Variants in ABCA4 observed in about 807,000 individuals in gnomAD.
ABCA4 encodes ATP binding cassette subfamily A member 4.
ABCA4 carries 196 observed loss-of-function variants against 263.7 expected under a neutral mutation model. That is an observed-to-expected ratio of 0.74 (90% CI 0.66 to 0.84). ABCA4 has a LOEUF of 0.84. Among genes scored for constraint, ABCA4 ranks in the 40% least tolerant of loss-of-function variants. The probability of loss-of-function intolerance (pLI) is 0.00; values close to 1 mark genes in which losing one functional copy is unlikely to be tolerated. For missense variants in ABCA4, 2,792 were observed against 2,855.1 expected, an observed-to-expected ratio of 0.98 and a Z score of 0.50; for synonymous variants, 1,133 against 1,094.2, an observed-to-expected ratio of 1.04 and a Z score of -0.70.
Position 94,041,322 on chromosome 1 carries a change from T to C in ABCA4, c.3409A>G (p.Arg1137Gly), listed in dbSNP as rs765328414. 18 of 1,614,022 alleles carry C rather than the reference T, an allele frequency of 1.1e-5. No homozygotes were observed. The highest frequency in any genetic ancestry group is 1.6e-4 in the Middle Eastern group (1 of 6,082). ...GDRIAIIAQG[R>G]LYCSGTPLFL... ...AGTGGGGTGCCTGAGCAGTAGAGCCTTCCCTGGGCAATGATGGCAATGCGG... is the reference window on the plus strand; with the variant it reads ...AGTGGGGTGCCTGAGCAGTAGAGCCCTCCCTGGGCAATGATGGCAATGCGG... The change falls in exon 23 of 50, where the codon AGG (arginine) becomes GGG (glycine). Residue 1137 changes from arginine (R) to glycine (G), a missense_variant. Transcript: ENST00000370225.
intron 11 of ABCA4, among the ~76,000 whole-genome samples, chr1:94,068,237 T>C (rs1367622301): frequency 6.6e-6 from 1 of 152,166 alleles, no homozygotes; most frequent in Non-Finnish European, 1.5e-5. Flanking sequence ...TGTTGATCAC[T>C]AGGTGAAAGT....
chr1:94,030,566 C>CGG (rs1480538784), intron 28 of ABCA4, 40 bp from the exon 29 acceptor site: 41 of 1,579,204 alleles, frequency 2.6e-5, no homozygotes, highest in Non-Finnish European at 3.5e-5. Flanking sequence ...AGAGCAGGCG[C>CGG]GTGCCAACAT....
chr1:94,119,728 T>A (rs1414959770), intron 1 of ABCA4, among the ~76,000 whole-genome samples: 2 of 152,184 alleles, frequency 1.3e-5, no homozygotes, highest in African/African-American at 4.8e-5. Flanking sequence ...AGTTTCCTTT[T>A]ACTCTCTCAG....
chr1:94,045,112 G>A (rs1352580178), intron 19 of ABCA4, among the ~76,000 whole-genome samples: 3 of 152,244 alleles, frequency 2.0e-5, no homozygotes, highest in African/African-American at 7.2e-5. Flanking sequence ...TGCATGACTC[G>A]AGGCGTTGCC....
In ABCA4 at chr1:94,014,594, G is replaced by A. The variant is rs569608594; in HGVS notation, c.5409C>T (p.Gly1803=). The A allele has an allele frequency of 3.7e-6, 6 of 1,614,190 alleles. No individual in the cohort carries two copies. The highest frequency in any genetic ancestry group is 1.6e-4 in the Middle Eastern group (1 of 6,062). ...VALSCANLFI[G]INSSAITFIL... ...TGAAGGTAATAGCACTGCTGTTGAT[G>A]CCGATGAACAGATTAGCACAAGATA... The change falls in exon 38 of 50, where the codon GGC becomes GGT. Residue 1803 remains glycine (G), a synonymous_variant. Transcript: ENST00000370225.
At chr1:94,091,152 T>C (rs913421805) in intron 6 of ABCA4, among the ~76,000 whole-genome samples, 1 of 152,138 alleles carries the variant, frequency 6.6e-6, no homozygotes. Flanking sequence ...TGAGATGTAT[T>C]TTTGTGTGGT....
At chr1:94,079,800 C>A (rs1371361293) in intron 8 of ABCA4, among the ~76,000 whole-genome samples, 1 of 152,136 alleles carries the variant, frequency 6.6e-6, no homozygotes, top group Non-Finnish European at 1.5e-5. Flanking sequence ...CCAAACAAGG[C>A]CCCCGCTTGG....
In ABCA4 at chr1:94,098,993, T is replaced by A. The variant is rs61748534; in HGVS notation, c.571-2A>T. On this transcript the variant is annotated splice_acceptor_variant, in intron 5 of 49. Transcript: ENST00000370225. LOFTEE classifies it high-confidence loss of function. ...CAGGTCCGGGACTCCATGAGCGAAC[T>A]GCAGGGAGAAGAGGCAACACTAGAA... 6.2e-7 allele frequency: 1 copy of A among 1,604,840 alleles called. No individual in the cohort carries two copies. The highest frequency in any genetic ancestry group is 8.5e-7 in the Non-Finnish European group (1 of 1,179,500).
chr1:94,058,631 G>GGGTT (rs1390050616), intron 14 of ABCA4, among the ~76,000 whole-genome samples: 1 of 152,198 alleles, frequency 6.6e-6, no homozygotes, highest in African/African-American at 2.4e-5. Context: ...CAAAGTATTA[G>GGGTT]GGTTACAGGC....
intron 1 of ABCA4, among the ~76,000 whole-genome samples, chr1:94,117,060 C>G (rs1484095996): frequency 7.4e-6 from 1 of 134,792 alleles, no homozygotes; most frequent in East Asian, 2.2e-4. Flanking sequence ...CCTTTCTTTC[C>G]TTTCTCTCTC....
rs758707705 is a variant in ABCA4, at chr1:94,010,790, A to G, written c.5714+10T>C. 33 of 1,614,032 alleles carry G rather than the reference A, an allele frequency of 2.0e-5. No individual in the cohort carries two copies. The highest frequency in any genetic ancestry group is 2.7e-5 in the African/African-American group (2 of 74,920). ...GCTGCCCACTGGCCCAGGGTGTGGC[A>G]TGGACGTACCATTGGGAGAGGAAGA... is the stretch of plus-strand genomic sequence containing the variant. On this transcript the variant is annotated intron_variant, in intron 40 of 49. Transcript: ENST00000370225.
chr1:94,042,997 A>G, intron 21 of ABCA4, 99 bp from the exon 22 acceptor site: 1 of 1,528,480 alleles, frequency 6.5e-7, no homozygotes, highest in Non-Finnish European at 9.0e-7. Context: ...TTAACCCAGC[A>G]GTGGTTTGGT....
intron 11 of ABCA4, among the ~76,000 whole-genome samples, chr1:94,075,131 G>A (rs1313696836): frequency 6.6e-6 from 1 of 152,108 alleles, no homozygotes; most frequent in Non-Finnish European, 1.5e-5. Context: ...TGGACACAGG[G>A]AGGGGAACAT....
chr1:94,051,624 A>G lies in ABCA4; in HGVS notation c.2653+9T>C. The G allele has an allele frequency of 1.2e-6, 2 of 1,611,216 alleles. No homozygotes were observed. Among genetic ancestry groups the G allele is most frequent in the Non-Finnish European group, 1.7e-6 (2 of 1,177,304 alleles). ...TCAAACATTAAGATTTGTGTTTTAA[A>G]GGACTCACCTTCACCGCCAAGCCAA... On this transcript the variant is annotated intron_variant, in intron 17 of 49. Transcript: ENST00000370225.
chr1:94,079,442 CA>C lies in ABCA4; in HGVS notation c.1118del (p.Leu373Ter), dbSNP rs2101104619. 6.2e-7 allele frequency: 1 copy of C among 1,614,154 alleles called. No individual in the cohort carries two copies. Among genetic ancestry groups the C allele is most frequent in the African/African-American group, 1.3e-5 (1 of 75,018 alleles). On this transcript the variant is annotated frameshift_variant, in exon 9 of 50. Coordinates refer to ENST00000370225, the MANE Select transcript of ABCA4 (RefSeq NM_000350.3). LOFTEE classifies it high-confidence loss of function. Reference sequence around the variant, plus strand: ...AAGGATTTGACTCCAGGCTCTGGATCAATGCATTACAAAAGGATGCTGCCAG... The same window carrying C: ...AAGGATTTGACTCCAGGCTCTGGATCATGCATTACAAAAGGATGCTGCCAG... ...DRRTTSFCNALIQSLESNPLT... is the reference protein window; with the variant it reads ...DRRTTSFCNAXIQSLESNPLT...
chr1:94,000,897 G>A lies in ABCA4; in HGVS notation c.6418C>T (p.Leu2140=). The part of the protein sequence containing the change: ...MEECEALCTR[L]AIMVKGAFRC... ...AAGGCGCCCTTTACCATGATGGCCA[G>A]CCGGGTACACAGTGCCTCACATTCT... The change falls in exon 47 of 50, where the codon CTG becomes TTG. Residue 2140 remains leucine, a synonymous_variant. Transcript: ENST00000370225. The A allele has an allele frequency of 6.2e-7, 1 of 1,614,236 alleles. No individual in the cohort carries two copies. The highest frequency in any genetic ancestry group is 8.5e-7 in the Non-Finnish European group (1 of 1,180,046).
intron 6 of ABCA4, among the ~76,000 whole-genome samples, chr1:94,092,835 G>A (rs1452043981): frequency 2.0e-5 from 3 of 152,184 alleles, no homozygotes. Flanking sequence ...GGAGAAATGG[G>A]GAGCAAAGGG....
chr1:94,066,412 TTTAGTATTGGCAA>T (rs1273070299), intron 11 of ABCA4, among the ~76,000 whole-genome samples: 1 of 152,264 alleles, frequency 6.6e-6, no homozygotes, highest in Non-Finnish European at 1.5e-5. Context: ...TATAGAGAAT[TTTAGTATTGGCAA>T]TTAGAGTGAA....
Position 94,103,157 on chromosome 1 carries a change from G to C in ABCA4, c.443-15C>G. The stretch of plus-strand genomic sequence containing the variant: ...TATTCCTCTTCCTACATATGAATAA[G>C]AGAAAGAACAGGGTGTTGAAGGGGA... On this transcript the variant is annotated splice_polypyrimidine_tract_variant and intron_variant, in intron 4 of 49. Transcript: ENST00000370225. 6.2e-7 allele frequency: 1 copy of C among 1,613,586 alleles called. No individual in the cohort carries two copies. Among genetic ancestry groups the C allele is most frequent in the Non-Finnish European group, 8.5e-7 (1 of 1,179,740 alleles).
Sources: gnomAD v4.1 joint callset for allele counts (sites outside exome capture counted in the v4.1 genomes callset) on GRCh38, gnomAD v4.1.1 for gene constraint, MANE v1.5 for transcripts, NCBI Gene and HGNC (gene_info 2026-07-23, HGNC 2026-07-21) for gene names.